The following PDLIM2 variants were observed in gnomAD, a reference collection of about 807,000 sequenced individuals.
PDLIM2 encodes PDZ and LIM domain protein 2.
PDLIM2 carries 51 observed loss-of-function variants against 54.1 expected under a neutral mutation model. That is an observed-to-expected ratio of 0.94 (90% CI 0.75 to 1.19). The LOEUF is 1.19. Among genes scored for constraint, PDLIM2 ranks in the 50% most tolerant of loss-of-function variants. PDLIM2 has a pLI of 0.00. For synonymous variants in PDLIM2, 398 were observed against 385.6 expected (o/e 1.03, Z -0.38); for missense variants, 912 against 874.0 (o/e 1.04, Z -0.55).
intron 6 of PDLIM2, among the ~76,000 whole-genome samples, chr8:22,587,410 G>A (rs772347522): frequency 2.0e-5 from 3 of 152,158 alleles, no homozygotes; most frequent in Non-Finnish European, 2.9e-5. Context: ...AAGGCTCTAA[G>A]AGGTCCCATG....
At chr8:22,586,494 T>TAG (rs1800385620) in intron 6 of PDLIM2, among the ~76,000 whole-genome samples, 2 of 151,910 alleles carry the variant, frequency 1.3e-5, no homozygotes, top group East Asian at 3.9e-4. Context: ...TGCTGGACGT[T>TAG]AGAGGTGGTG....
chr8:22,579,293 CT>C lies in PDLIM2; in HGVS notation c.515del (p.Leu172ArgfsTer82). 7.2e-7 allele frequency: 1 copy of C among 1,386,348 alleles called. No individual in the cohort carries two copies. The highest frequency in any genetic ancestry group is 9.3e-7 in the Non-Finnish European group (1 of 1,078,354). 85.9% of individuals were successfully genotyped at this position (1,386,348 alleles called of 1,614,324 possible). Reference sequence around the variant, plus strand: ...CGGCGCCGGGCTCCTCTCCGCGCCCCTGTCGGCGCGGAACCCTGGCCTCGTC... The same window carrying C: ...CGGCGCCGGGCTCCTCTCCGCGCCCCGTCGGCGCGGAACCCTGGCCTCGTC... On this transcript the variant is annotated frameshift_variant, in exon 1 of 10. Coordinates refer to ENST00000308354, the Ensembl canonical transcript of PDLIM2. LOFTEE classifies it high-confidence loss of function.
chr8:22,584,486 A>T (rs898972616), intron 3 of PDLIM2, among the ~76,000 whole-genome samples: 2 of 151,726 alleles, frequency 1.3e-5, no homozygotes, highest in South Asian at 2.1e-4. Context: ...TTAAAAAAAA[A>T]TTTTAGTAGT....
exon 1 of PDLIM2, chr8:22,579,397 C>T: frequency 6.6e-7 from 1 of 1,510,032 alleles, no homozygotes; most frequent in East Asian, 2.7e-5. Flanking sequence ...GAGCGCTCCT[C>T]CTCCAGCCCC....
At chr8:22,591,971 T>C (rs4592028) in intron 9 of PDLIM2, 76,671 of 246,570 alleles carry the variant, frequency 0.31, 12,458 homozygotes, top group South Asian at 0.37. Context: ...GCACATCCTC[T>C]TGGAAAATCT....
Position 22,593,854 on chromosome 8 carries a change from G to A in PDLIM2, c.1753G>A (p.Glu585Lys), listed in dbSNP as rs1174581713. The change falls in exon 10 of 10, where the codon GAG becomes AAG. Residue 585 changes from glutamate (E) to lysine (K), a missense_variant. By Grantham distance (56) the Glu-to-Lys change is moderately conservative. Coordinates refer to ENST00000308354, the Ensembl canonical transcript of PDLIM2. ...CTGGGTGGGTGACGAGCTGTACTGT[G>A]AGAAGCATGCCCGCCAGCGCTACTC... The A allele has an allele frequency of 8.3e-6, 13 of 1,570,146 alleles. No individual in the cohort carries two copies. Among genetic ancestry groups the A allele is most frequent in the Middle Eastern group, 3.3e-4 (2 of 6,024 alleles).
intron 2 of PDLIM2, 26 bp from the exon 2 acceptor site, chr8:22,581,353 A>G (rs1367097973): frequency 6.3e-7 from 1 of 1,577,688 alleles, no homozygotes; most frequent in Admixed American, 1.8e-5. Flanking sequence ...CCACGGTCTG[A>G]GCATGCCAGC....
At chr8:22,589,563 G>T (rs1210337105) in intron 7 of PDLIM2, 33 bp from the exon 7 acceptor site, 29 of 1,592,098 alleles carry the variant, frequency 1.8e-5, no homozygotes, top group Non-Finnish European at 2.3e-5. Context: ...TCCGGCACGG[G>T]ACCCTCATTC....
chr8:22,593,911 G>A, exon 10 of PDLIM2: 3 of 1,542,306 alleles, frequency 1.9e-6, no homozygotes, highest in Non-Finnish European at 2.6e-6. Flanking sequence ...TCGGGCCTGA[G>A]CCCGCCATGC....
chr8:22,588,718 G>A (rs763422908), intron 6 of PDLIM2: 3 of 156,238 alleles, frequency 1.9e-5, no homozygotes, highest in Non-Finnish European at 4.2e-5. Context: ...CCACGGGGCA[G>A]GCCCAGACCT....
downstream of PDLIM2, chr8:22,596,953 G>C (rs963251656): frequency 2.6e-5 from 4 of 152,260 alleles, no homozygotes; most frequent in African/African-American, 9.6e-5. Flanking sequence ...TGGCTTGTGG[G>C]GGGCAGAGTT....
At chr8:22,596,240 G>C (rs1475251059), downstream of PDLIM2, 1 of 152,332 alleles carries the variant, frequency 6.6e-6, no homozygotes, top group African/African-American at 2.4e-5. Context: ...GATAAGTGGG[G>C]ACTGGGGACA....
rs1436520705 is a variant in PDLIM2, at chr8:22,583,852, T to C, written c.996-969T>C. The stretch of plus-strand genomic sequence containing the variant: ...TATCAGTGACAAAGTCCAGGCAAAA[T>C]AGAAAAAAAAAAAAAAAAAAAAAAA... On this transcript the variant is annotated intron_variant, in intron 3 of 9. Coordinates refer to ENST00000308354, the Ensembl canonical transcript of PDLIM2. Among the ~76,000 whole-genome samples the C allele has an allele frequency of 5.5e-4, 4 of 7,320 alleles. No individual in the cohort carries two copies. In the South Asian group the frequency reaches 0.016, roughly 30 times the overall value. 4.8% of individuals were successfully genotyped at this position (7,320 alleles called of 152,430 possible).
chr8:22,589,499 C>T, intron 7 of PDLIM2, 97 bp from the exon 7 acceptor site: 4 of 1,513,030 alleles, frequency 2.6e-6, no homozygotes, highest in Non-Finnish European at 3.6e-6. Flanking sequence ...CTCCCAGATT[C>T]CTCCCCCTCC....
exon 3 of PDLIM2, chr8:22,581,522 G>C (rs1800206098): frequency 6.3e-7 from 1 of 1,581,186 alleles, no homozygotes; most frequent in Non-Finnish European, 8.6e-7. Flanking sequence ...TGCGGCTGCA[G>C]CTGGACCGGT....
intron 2 of PDLIM2, 50 bp downstream of exon 1, chr8:22,580,747 C>T (rs753201320): frequency 8.2e-6 from 13 of 1,576,596 alleles, no homozygotes; most frequent in South Asian, 1.1e-5. Flanking sequence ...GAAGCGAGGT[C>T]GGCCCTGTTC....
chr8:22,593,973 G>A, exon 10 of PDLIM2: 2 of 1,509,976 alleles, frequency 1.3e-6, no homozygotes, highest in Non-Finnish European at 8.9e-7. Context: ...AAGTTGGCAT[G>A]GCAGGGACAA....
At chr8:22,597,036 C>T (rs1407319266), downstream of PDLIM2, 1 of 152,264 alleles carries the variant, frequency 6.6e-6, no homozygotes, top group Non-Finnish European at 1.5e-5. Flanking sequence ...GAGGTCACCA[C>T]AGCCCTCCCC....
intron 2 of PDLIM2, 131 bp downstream of exon 1, chr8:22,580,828 G>T: frequency 9.6e-7 from 1 of 1,046,498 alleles, no homozygotes; most frequent in Non-Finnish European, 1.4e-6. Flanking sequence ...TGGCGTGCTG[G>T]CTGTAAGGGA....
Sources: allele counts gnomAD v4.1 joint callset (sites outside exome capture counted in the v4.1 genomes callset), GRCh38; gene constraint gnomAD v4.1.1; transcripts MANE v1.5; gene names NCBI Gene and HGNC (gene_info 2026-07-23, HGNC 2026-07-21).